The following ANKRD36 variants were observed in gnomAD, a reference collection of about 807,000 sequenced individuals.
The protein encoded by ANKRD36 is ankyrin repeat domain 36, also known as ankyrin repeat domain-containing protein 36A.
A neutral mutation model predicts 278.1 loss-of-function variants in ANKRD36; 179 were observed. The observed-to-expected ratio is 0.64, with a 90% CI of 0.57 to 0.73. The LOEUF (loss-of-function observed/expected upper bound fraction) is 0.73. Among genes scored for constraint, ANKRD36 ranks in the 30% least tolerant of loss-of-function variants. The probability of loss-of-function intolerance (pLI) is 0.00; values close to 1 mark genes in which losing one functional copy is unlikely to be tolerated. For synonymous variants in ANKRD36, 320 were observed against 641.1 expected (o/e 0.50, Z 7.57); for missense variants, 1,159 against 1,956.7 (o/e 0.59, Z 7.69).
At chr2:97,207,740 C>T (rs1313244547) in intron 52 of ANKRD36, 71 bp from the exon 53 acceptor site, 1 of 1,540,400 alleles carries the variant, frequency 6.5e-7, no homozygotes, top group African/African-American at 1.4e-5. Flanking sequence ...TTGATGCTAA[C>T]ACTGTATGAA....
rs1466684144 is a variant in ANKRD36 at position 97,209,032 on chromosome 2, A to T, written c.3266-649A>T. Among the ~76,000 whole-genome samples, 4 of 146,726 alleles carry T rather than the reference A, an allele frequency of 2.7e-5. 1 individual carries two copies. The East Asian group carries it at 7.9e-4, about 29-fold the overall frequency. ...TATTATCCTTTGGTGCCAAGAGTGG[A>T]TGAAGAAGCTTTCGGAAGGCTAAAC... On this transcript the variant is annotated intron_variant, in intron 54 of 75. Transcript: ENST00000420699.
intron 67 of ANKRD36, among the ~76,000 whole-genome samples, chr2:97,227,376 C>T (rs1465031255): frequency 6.6e-6 from 1 of 152,096 alleles, no homozygotes; most frequent in Non-Finnish European, 1.5e-5. Context: ...GTATTTTATT[C>T]TCTTTGAAGC....
At chr2:97,182,516 T>G (rs1376197870) in intron 26 of ANKRD36, among the ~76,000 whole-genome samples, 1 of 149,272 alleles carries the variant, frequency 6.7e-6, no homozygotes, top group Non-Finnish European at 1.5e-5. Flanking sequence ...ATATATTGGC[T>G]TTGCTTTTCA....
chr2:97,117,075 AT>A lies in ANKRD36; in HGVS notation c.198-987del, dbSNP rs1197874300. Among the ~76,000 whole-genome samples, 4 of 149,362 alleles carry A rather than the reference AT, an allele frequency of 2.7e-5. No homozygotes were observed. In the East Asian group the frequency reaches 7.7e-4, roughly 29 times the overall value. Reference sequence around the variant, plus strand: ...TTTTTTTTTTTTTTAAACAAAAGCAATTCTGAAGTTAGAAAATAGTGAAAGA... The same window carrying A: ...TTTTTTTTTTTTTTAAACAAAAGCAATCTGAAGTTAGAAAATAGTGAAAGA... On this transcript the variant is annotated intron_variant, in intron 1 of 75. Transcript: ENST00000420699.
chr2:97,225,322 T>G (rs1331924633), intron 67 of ANKRD36, among the ~76,000 whole-genome samples: 1 of 152,130 alleles, frequency 6.6e-6, no homozygotes, highest in Non-Finnish European at 1.5e-5. Context: ...TAAAAATTTA[T>G]TTTCCTTTTT....
intron 40 of ANKRD36, 73 bp downstream of exon 40, chr2:97,194,990 G>T: frequency 1.3e-6 from 2 of 1,522,104 alleles, no homozygotes; most frequent in Admixed American, 2.0e-5. Context: ...TAAATCAGTG[G>T]GGGGCTGGTC....
intron 44 of ANKRD36, among the ~76,000 whole-genome samples, chr2:97,199,174 T>G (rs1230218173): frequency 2.0e-5 from 3 of 151,896 alleles, no homozygotes; most frequent in Non-Finnish European, 4.4e-5. Flanking sequence ...GAGTTTCTGC[T>G]GAGGAAACCT....
intron 67 of ANKRD36, among the ~76,000 whole-genome samples, chr2:97,231,033 G>A (rs2071808185): frequency 6.6e-6 from 1 of 152,082 alleles, no homozygotes; most frequent in South Asian, 2.1e-4. Flanking sequence ...GCTGTGTGAG[G>A]TGTCAGTCTG....
intron 3 of ANKRD36, among the ~76,000 whole-genome samples, chr2:97,121,629 G>C (rs1470652180): frequency 4.6e-5 from 7 of 152,064 alleles, no homozygotes; most frequent in African/African-American, 1.4e-4. Context: ...CTGGGCGACA[G>C]AGCGAGACTC....
At chr2:97,126,041 GGGTGGCCCCTTATATTAGAAT>G (rs1417031616) in intron 5 of ANKRD36, among the ~76,000 whole-genome samples, 2 of 141,568 alleles carry the variant, frequency 1.4e-5, no homozygotes, top group Admixed American at 1.5e-4. Context: ...AAAACAAAAT[GGGTGGCCCCTTATATTAGAAT>G]TGTGATTTTT....
At chr2:97,240,109 GT>G (rs558152983) in intron 68 of ANKRD36, among the ~76,000 whole-genome samples, 1 of 88,996 alleles carries the variant, frequency 1.1e-5, no homozygotes, top group African/African-American at 5.5e-5. Context: ...TATGGTTTGT[GT>G]TTTTTTAAAA....
At chr2:97,136,611 G>C (rs1228389998) in intron 6 of ANKRD36, among the ~76,000 whole-genome samples, 1 of 151,700 alleles carries the variant, frequency 6.6e-6, no homozygotes, top group Non-Finnish European at 1.5e-5. Flanking sequence ...GCACCCATAG[G>C]AATTGATTGT....
chr2:97,209,608 A>C, intron 54 of ANKRD36, 73 bp from the exon 55 acceptor site: 1 of 1,572,800 alleles, frequency 6.4e-7, no homozygotes, highest in Non-Finnish European at 8.6e-7. Flanking sequence ...GGTTGATGCT[A>C]ACACTGTGTG....
intron 54 of ANKRD36, among the ~76,000 whole-genome samples, chr2:97,208,972 G>A (rs1379356139): frequency 3.2e-4 from 47 of 146,654 alleles, no homozygotes; most frequent in African/African-American, 1.0e-3. Flanking sequence ...GTATGTCAAA[G>A]TTGATAATTG....
intron 52 of ANKRD36, 84 bp downstream of exon 52, chr2:97,206,219 A>G (rs1558775111): frequency 5.9e-6 from 8 of 1,353,754 alleles, no homozygotes; most frequent in South Asian, 2.9e-5. Flanking sequence ...CGGGGGGCTC[A>G]TCGAAGCTGC....
chr2:97,126,736 T>C (rs1052351617), intron 5 of ANKRD36, among the ~76,000 whole-genome samples: 2 of 151,782 alleles, frequency 1.3e-5, no homozygotes, highest in African/African-American at 4.8e-5. Flanking sequence ...AAGAAGACAT[T>C]GTGCCTAAGA....
intron 75 of ANKRD36, among the ~76,000 whole-genome samples, chr2:97,256,398 A>G (rs1156872346): frequency 3.3e-5 from 5 of 152,022 alleles, no homozygotes; most frequent in Admixed American, 2.6e-4. Context: ...ATTATTTATT[A>G]GTCCATTCAG....
intron 75 of ANKRD36, among the ~76,000 whole-genome samples, chr2:97,250,503 C>A (rs2075837346): frequency 8.5e-6 from 1 of 117,794 alleles, no homozygotes; most frequent in South Asian, 4.2e-4. Flanking sequence ...AAGGCATTAT[C>A]AACTTCTCAA....
intron 18 of ANKRD36, among the ~76,000 whole-genome samples, chr2:97,162,746 C>T (rs1391527313): frequency 1.4e-5 from 2 of 145,464 alleles, no homozygotes; most frequent in African/African-American, 5.0e-5. Context: ...ATGATATGCG[C>T]TTCATTCATG....
Sources: allele counts gnomAD v4.1 joint callset (sites outside exome capture counted in the v4.1 genomes callset), GRCh38; gene constraint gnomAD v4.1.1; transcripts MANE v1.5; gene names NCBI Gene and HGNC (gene_info 2026-07-23, HGNC 2026-07-21).